The following NXPE3 variants were observed in gnomAD, a reference collection of about 807,000 sequenced individuals.
NXPE3 encodes NXPE family member 3.
In NXPE3, 26 loss-of-function variants were observed where a neutral mutation model predicts 46.1. The ratio of observed to expected loss-of-function variants is 0.56; its 90% CI spans 0.41 to 0.78. The LOEUF (loss-of-function observed/expected upper bound fraction) is 0.78. Ranked by LOEUF, NXPE3 falls within the 30% of genes least tolerant of loss-of-function variation. The pLI is 0.00. For missense variants in NXPE3, 620 were observed against 686.0 expected, an observed-to-expected ratio of 0.90 and a Z score of 1.07; for synonymous variants, 272 against 257.9, an observed-to-expected ratio of 1.05 and a Z score of -0.52.
At chr3:101,805,396 A>C (rs1338011911) in intron 5 of NXPE3, among the ~76,000 whole-genome samples, 1 of 149,126 alleles carries the variant, frequency 6.7e-6, no homozygotes, top group African/African-American at 2.5e-5. Context: ...TTTGTACAAC[A>C]TTGGCAATTT....
chr3:101,816,234 C>T (rs188134573), intron 6 of NXPE3, among the ~76,000 whole-genome samples: 272 of 152,146 alleles, frequency 1.8e-3, no homozygotes, highest in Middle Eastern at 0.01. Context: ...ACCTTCATGC[C>T]CATTTCAGAT....
intron 5 of NXPE3, among the ~76,000 whole-genome samples, chr3:101,805,747 G>C (rs1941388029): frequency 6.6e-6 from 1 of 151,932 alleles, no homozygotes; most frequent in Non-Finnish European, 1.5e-5. Flanking sequence ...AGTCTGCTTT[G>C]GATTTGCTTT....
At chr3:101,786,790 C>T (rs569936600) in intron 4 of NXPE3, among the ~76,000 whole-genome samples, 3 of 152,104 alleles carry the variant, frequency 2.0e-5, no homozygotes, top group Non-Finnish European at 4.4e-5. Context: ...AAATAACTAA[C>T]ATAGAATTTG....
At chr3:101,806,989 A>G in intron 5 of NXPE3, 64 bp from the exon 6 acceptor site, 1 of 1,077,234 alleles carries the variant, frequency 9.3e-7, no homozygotes, top group Non-Finnish European at 1.4e-6. Context: ...TTTGCCAATA[A>G]AGACATATAT....
chr3:101,792,309 T>C (rs13078652), intron 4 of NXPE3, among the ~76,000 whole-genome samples: 46,825 of 152,152 alleles, frequency 0.31, 7,420 homozygotes, highest in Non-Finnish European at 0.34. Flanking sequence ...GCAATTGCTT[T>C]TGGTGTTTTT....
chr3:101,796,206 G>A (rs1266533941), intron 4 of NXPE3, among the ~76,000 whole-genome samples: 1 of 152,176 alleles, frequency 6.6e-6, no homozygotes, highest in Non-Finnish European at 1.5e-5. Flanking sequence ...AAACAGCATT[G>A]CTATGGTTCA....
intron 3 of NXPE3, 28 bp from the exon 4 acceptor site, chr3:101,785,374 G>A: frequency 4.0e-6 from 2 of 505,538 alleles, no homozygotes; most frequent in Admixed American, 3.2e-5. Flanking sequence ...TGCAATTGGT[G>A]ATGTTCTCTC....
chr3:101,789,364 T>C (rs1433928814), intron 4 of NXPE3, among the ~76,000 whole-genome samples: 2 of 152,080 alleles, frequency 1.3e-5, no homozygotes, highest in East Asian at 3.9e-4. Context: ...GGCAACATAG[T>C]GAGACCCCAT....
rs1941167319 is a variant in NXPE3, at chr3:101,801,753, A to T, written c.612A>T (p.Lys204Asn). 1 of 1,614,080 alleles carries T rather than the reference A, an allele frequency of 6.2e-7. No individual in the cohort carries two copies. Among genetic ancestry groups the T allele is most frequent in the Non-Finnish European group, 8.5e-7 (1 of 1,180,032 alleles). ...IRVLQRLQED[K>N]PDRVYFKSLF... ...TTCTTCAGCGCTTACAGGAAGATAA[A>T]CCAGACAGGGTCTATTTCAAGAGTC... Residue 204 changes from lysine (K) to asparagine (N), a missense_variant, in exon 5 of 8, where the codon AAA becomes AAT. This residue lies in a region of NXPE3 where 511 missense variants were observed against 528.6 expected (regional missense o/e 0.97). Transcript: ENST00000273347.
At chr3:101,780,431 T>C (rs17412601) in intron 1 of NXPE3, among the ~76,000 whole-genome samples, 46,887 of 152,034 alleles carry the variant, frequency 0.31, 7,438 homozygotes, top group Non-Finnish European at 0.34. Flanking sequence ...TGTCCTGACC[T>C]GACAATTTAA....
intron 5 of NXPE3, 56 bp from the exon 6 acceptor site, chr3:101,806,997 T>C (rs1576763339): frequency 8.7e-7 from 1 of 1,147,256 alleles, no homozygotes. Flanking sequence ...TAAAGACATA[T>C]ATCTGAAAAT....
chr3:101,801,505 C>T lies in NXPE3; in HGVS notation c.364C>T (p.Gln122Ter). The T allele has an allele frequency of 6.2e-7, 1 of 1,614,132 alleles. No homozygotes were observed. Among genetic ancestry groups the T allele is most frequent in the South Asian group, 1.1e-5 (1 of 91,080 alleles). ...TGCTGCCTTCTTTAAGGTGGGAAGC[C>T]AGCTTGAGGTGCTGGTTCATGTGCA... ...NSAAFFKVGS[Q>*]LEVLVHVQDF... The change falls in exon 5 of 8, where the codon CAG becomes TAG. Residue 122 changes from glutamine to a stop codon, truncating the protein, a stop_gained. Coordinates refer to ENST00000273347, the MANE Select transcript of NXPE3 (RefSeq NM_145037.4). LOFTEE classifies it high-confidence loss of function.
chr3:101,791,148 A>G (rs1158467263), intron 4 of NXPE3, among the ~76,000 whole-genome samples: 2 of 151,950 alleles, frequency 1.3e-5, no homozygotes, highest in African/African-American at 4.8e-5. Flanking sequence ...CTTTGTGTTC[A>G]TAAGTTCTTA....
At chr3:101,819,492 G>T (rs1433595875) in intron 7 of NXPE3, among the ~76,000 whole-genome samples, 1 of 152,178 alleles carries the variant, frequency 6.6e-6, no homozygotes, top group Non-Finnish European at 1.5e-5. Flanking sequence ...ACATTAACAT[G>T]ATTTTTCATC....
rs562004917 is a variant in NXPE3 at position 101,826,328 on chromosome 3, C to T, written c.*4374C>T. On this transcript the variant is annotated 3_prime_UTR_variant, in exon 8 of 8. Coordinates refer to ENST00000273347, the MANE Select transcript of NXPE3 (RefSeq NM_145037.4). ...AAACAACAGAAATAAGCCTCCCCAA[C>T]TTTCTAAAAAACTGCTCAGCATTAT... 1 of 152,292 alleles carries T rather than the reference C, an allele frequency of 6.6e-6. No individual in the cohort carries two copies. The highest frequency in any genetic ancestry group is 2.4e-5 in the African/African-American group (1 of 41,560). 9.4% of individuals were successfully genotyped at this position (152,292 alleles called of 1,614,324 possible). A position where few individuals can be genotyped will look rare whatever the true frequency, so the allele number is the denominator to read the frequency against.
rs1560057823 is a variant in NXPE3, at chr3:101,808,850, T to TACACAC, written c.922+1725_922+1726insCACACA. 1.7e-4 allele frequency among the ~76,000 whole-genome samples: 22 copies of TACACAC among 132,440 alleles called. 1 individual carries two copies. The highest frequency in any genetic ancestry group is 6.3e-4 in the African/African-American group (22 of 35,026). The allele number at this position is 132,440 out of a possible 152,430, so 86.9% of individuals were successfully genotyped here. On this transcript the variant is annotated intron_variant, in intron 6 of 7. Transcript: ENST00000273347. The stretch of plus-strand genomic sequence containing the variant: ...ATATATATATATATATATATATATA[T>TACACAC]ATATATGAGACATTTATCTTTTATC...
At chr3:101,806,994 A>G in intron 5 of NXPE3, 59 bp from the exon 6 acceptor site, 1 of 1,125,910 alleles carries the variant, frequency 8.9e-7, no homozygotes, top group Non-Finnish European at 1.4e-6. Flanking sequence ...CAATAAAGAC[A>G]TATATCTGAA....
intron 5 of NXPE3, among the ~76,000 whole-genome samples, chr3:101,803,156 AT>A (rs1276287321): frequency 6.6e-6 from 1 of 152,162 alleles, no homozygotes; most frequent in African/African-American, 2.4e-5. Context: ...AAAGGGAGGT[AT>A]TTTTGTTAAG....
chr3:101,788,709 A>G lies in NXPE3; in HGVS notation c.93+3020A>G, dbSNP rs147637214. Among the ~76,000 whole-genome samples the G allele has an allele frequency of 8.9e-3, 1,353 of 152,164 alleles. 18 individuals carry two copies. The highest frequency in any genetic ancestry group is 0.031 in the African/African-American group (1,280 of 41,498). ...CGTCTCACTGCAACCTCCTCCTCCCAGATTCAAGTGATTCTCTTGCTTCAG... is the reference window on the plus strand; with the variant it reads ...CGTCTCACTGCAACCTCCTCCTCCCGGATTCAAGTGATTCTCTTGCTTCAG... On this transcript the variant is annotated intron_variant, in intron 4 of 7. Coordinates refer to ENST00000273347, the MANE Select transcript of NXPE3 (RefSeq NM_145037.4).
Sources: gnomAD v4.1 joint callset for allele counts (sites outside exome capture counted in the v4.1 genomes callset) on GRCh38, gnomAD v4.1.1 for gene constraint, gnomAD v4.1.1 regional missense constraint, MANE v1.5 for transcripts, NCBI Gene and HGNC (gene_info 2026-07-23, HGNC 2026-07-21) for gene names.